HS6ST3: variants seen among roughly 807,000 people sequenced by gnomAD.
HS6ST3 encodes the protein heparan-sulfate 6-O-sulfotransferase 3.
HS6ST3 carries 12 observed loss-of-function variants against 36.7 expected under a neutral mutation model. The ratio of observed to expected loss-of-function variants is 0.33; its 90% CI spans 0.21 to 0.53. The LOEUF (loss-of-function observed/expected upper bound fraction) is 0.53. Ranked by LOEUF, HS6ST3 falls within the 20% of genes least tolerant of loss-of-function variation. The pLI is 0.95. For synonymous variants in HS6ST3, 240 were observed against 257.5 expected, an observed-to-expected ratio of 0.93 and a Z score of 0.65; for missense variants, 584 against 640.9, an observed-to-expected ratio of 0.91 and a Z score of 0.96.
At position 96,583,147 on chromosome 13, in the gene HS6ST3, T is replaced by G. The variant is rs997298550; in HGVS notation, c.708-249343T>G. Among the ~76,000 whole-genome samples, 3 of 151,698 alleles carry G rather than the reference T, an allele frequency of 2.0e-5. No individual in the cohort carries two copies. The East Asian group carries it at 5.8e-4, about 29-fold the overall frequency. On this transcript the variant is annotated intron_variant, in intron 1 of 1. Transcript: ENST00000376705. The stretch of plus-strand genomic sequence containing the variant: ...ACAGGCAGGGTGATTTTTAAAACTC[T>G]ATTTATGTCATTTCCTTGCTTAAAA...
At chr13:96,315,518 A>G (rs2054964168) in intron 1 of HS6ST3, among the ~76,000 whole-genome samples, 1 of 152,094 alleles carries the variant, frequency 6.6e-6, no homozygotes, top group Admixed American at 6.6e-5. Context: ...TCAGAGACTA[A>G]AAATGAAAAA....
At chr13:96,391,928 G>C (rs9513132) in intron 1 of HS6ST3, among the ~76,000 whole-genome samples, 125,546 of 152,214 alleles carry the variant, frequency 0.82, 52,146 homozygotes, top group Non-Finnish European at 0.87. Flanking sequence ...TTGCCGAGAG[G>C]AATGAAGAAA....
At chr13:96,570,567 A>G (rs2056297428) in intron 1 of HS6ST3, among the ~76,000 whole-genome samples, 1 of 152,222 alleles carries the variant, frequency 6.6e-6, no homozygotes, top group Non-Finnish European at 1.5e-5. Context: ...TTCATCATAC[A>G]CAAATCTATG....
intron 1 of HS6ST3, among the ~76,000 whole-genome samples, chr13:96,651,863 G>A (rs1366835878): frequency 6.6e-6 from 1 of 152,038 alleles, no homozygotes; most frequent in Non-Finnish European, 1.5e-5. Context: ...TTATTGAGAA[G>A]TCTTCAGTTA....
intron 1 of HS6ST3, among the ~76,000 whole-genome samples, chr13:96,705,030 C>T (rs772664134): frequency 2.0e-5 from 3 of 152,312 alleles, no homozygotes; most frequent in African/African-American, 7.2e-5. Context: ...TTTCCATATA[C>T]TCCTGCCCTC....
intron 1 of HS6ST3, among the ~76,000 whole-genome samples, chr13:96,489,460 G>A (rs1466531542): frequency 6.6e-6 from 1 of 151,732 alleles, no homozygotes; most frequent in Non-Finnish European, 1.5e-5. Context: ...ATTTTTGACT[G>A]CCAACTGGCA....
In HS6ST3 at chr13:96,605,331, G is replaced by A. The variant is rs551412764; in HGVS notation, c.708-227159G>A. Among the ~76,000 whole-genome samples, 5 of 152,152 alleles carry A rather than the reference G, an allele frequency of 3.3e-5. 1 individual carries two copies. The South Asian group carries it at 8.3e-4, about 25-fold the overall frequency. ...AGAATGCCTAAATGCTGAAAATTAC[G>A]ACTTACTGCACTAATCATCATGCCT... On this transcript the variant is annotated intron_variant, in intron 1 of 1. Coordinates refer to ENST00000376705, the MANE Select transcript of HS6ST3 (RefSeq NM_153456.4).
chr13:96,208,034 A>G (rs924991965), intron 1 of HS6ST3, among the ~76,000 whole-genome samples: 8 of 152,234 alleles, frequency 5.3e-5, no homozygotes, highest in Non-Finnish European at 1.2e-4. Flanking sequence ...ATTATAAAAA[A>G]GGAATAGATC....
At chr13:96,199,262 G>A (rs9516642) in intron 1 of HS6ST3, among the ~76,000 whole-genome samples, 87,210 of 151,976 alleles carry the variant, frequency 0.57, 25,196 homozygotes, top group Admixed American at 0.66. Flanking sequence ...CAATATATAA[G>A]TGAATGTGCT....
chr13:96,205,325 A>C (rs768644709), intron 1 of HS6ST3, among the ~76,000 whole-genome samples: 1 of 152,092 alleles, frequency 6.6e-6, no homozygotes, highest in Non-Finnish European at 1.5e-5. Context: ...TGAAATTGAG[A>C]CAGTAGCAAA....
At chr13:96,693,745 A>G (rs1481508043) in intron 1 of HS6ST3, among the ~76,000 whole-genome samples, 1 of 152,196 alleles carries the variant, frequency 6.6e-6, no homozygotes, top group Non-Finnish European at 1.5e-5. Flanking sequence ...TCCTTTACAA[A>G]AGTTCAAGCT....
intron 1 of HS6ST3, among the ~76,000 whole-genome samples, chr13:96,271,176 A>G (rs1594738950): frequency 6.6e-6 from 1 of 151,818 alleles, no homozygotes; most frequent in East Asian, 1.9e-4. Flanking sequence ...TCAAGCTGCC[A>G]GTGTGATGAT....
intron 1 of HS6ST3, among the ~76,000 whole-genome samples, chr13:96,100,805 T>C (rs772165559): frequency 5.9e-5 from 9 of 152,146 alleles, no homozygotes; most frequent in Non-Finnish European, 1.3e-4. Flanking sequence ...GGTCCAGTGA[T>C]GGGAGGGATG....
At chr13:96,723,843 A>G (rs1875918618) in intron 1 of HS6ST3, among the ~76,000 whole-genome samples, 1 of 152,114 alleles carries the variant, frequency 6.6e-6, no homozygotes, top group South Asian at 2.1e-4. Flanking sequence ...GATCTTTTTA[A>G]TGGTCTCATC....
intron 1 of HS6ST3, among the ~76,000 whole-genome samples, chr13:96,408,290 A>G (rs1269845638): frequency 6.6e-6 from 1 of 151,996 alleles, no homozygotes; most frequent in Non-Finnish European, 1.5e-5. Flanking sequence ...CCCTCCCCCA[A>G]TATTCCTATT....
chr13:96,407,681 G>A (rs79212713), intron 1 of HS6ST3, among the ~76,000 whole-genome samples: 2,559 of 152,256 alleles, frequency 0.017, 91 homozygotes, highest in African/African-American at 0.058. Context: ...AGCAGAATAT[G>A]AAATTGTCCT....
intron 1 of HS6ST3, among the ~76,000 whole-genome samples, chr13:96,144,799 C>G (rs1277833836): frequency 9.6e-6 from 1 of 103,948 alleles, no homozygotes; most frequent in East Asian, 3.6e-4. Context: ...CCTCCCCCCT[C>G]CCCCCACCAC....
At chr13:96,778,651 A>G (rs578219407) in intron 1 of HS6ST3, among the ~76,000 whole-genome samples, 178 of 152,350 alleles carry the variant, frequency 1.2e-3, no homozygotes, top group Admixed American at 2.1e-3. Context: ...AATGGTGATC[A>G]TTAAAAAGTC....
chr13:96,250,909 CCATCCTTG>C (rs1304487446), intron 1 of HS6ST3, among the ~76,000 whole-genome samples: 2 of 152,154 alleles, frequency 1.3e-5, no homozygotes, highest in African/African-American at 2.4e-5. Flanking sequence ...TAGACTTGAG[CCATCCTTG>C]CATCCCAGGG....
Sources: allele counts gnomAD v4.1 joint callset (sites outside exome capture counted in the v4.1 genomes callset), GRCh38; gene constraint gnomAD v4.1.1; transcripts MANE v1.5; gene names NCBI Gene and HGNC (gene_info 2026-07-23, HGNC 2026-07-21).